KIAA1671: variants seen among roughly 807,000 people sequenced by gnomAD.
The protein encoded by KIAA1671 is uncharacterized protein KIAA1671.
In KIAA1671, 52 loss-of-function variants were observed where a neutral mutation model predicts 131.2. The ratio of observed to expected loss-of-function variants is 0.40; its 90% CI spans 0.32 to 0.50. The LOEUF (loss-of-function observed/expected upper bound fraction) is 0.50. Among genes scored for constraint, KIAA1671 ranks in the 20% least tolerant of loss-of-function variants. The pLI, the probability that KIAA1671 is intolerant of heterozygous loss-of-function variation, is 0.73. For synonymous variants in KIAA1671, 1,003 were observed against 961.6 expected (o/e 1.04, Z -0.80); for missense variants, 2,360 against 2,364.2 (o/e 1.00, Z 0.04).
At chr22:24,991,964 C>G (rs1370498019) in intron 1 of KIAA1671, among the ~76,000 whole-genome samples, 1 of 151,978 alleles carries the variant, frequency 6.6e-6, no homozygotes, top group African/African-American at 2.4e-5. Flanking sequence ...TTTGCTCTGT[C>G]CCCTCCGGTC....
chr22:25,159,576 A>G (rs1307532725), intron 6 of KIAA1671, among the ~76,000 whole-genome samples: 1 of 152,138 alleles, frequency 6.6e-6, no homozygotes, highest in Non-Finnish European at 1.5e-5. Flanking sequence ...CACCAACATC[A>G]TCATGTGGAC....
intron 6 of KIAA1671, among the ~76,000 whole-genome samples, chr22:25,074,512 A>G (rs1384980625): frequency 2.7e-5 from 4 of 147,954 alleles, no homozygotes; most frequent in African/African-American, 7.6e-5. Flanking sequence ...AAAAAAAAAA[A>G]AAAAAGAAAG....
chr22:25,150,470 G>A (rs940935833), intron 6 of KIAA1671, among the ~76,000 whole-genome samples: 1 of 152,146 alleles, frequency 6.6e-6, no homozygotes, highest in Non-Finnish European at 1.5e-5. Context: ...GCAGTGGGTG[G>A]CAGTCCAGGG....
rs1044841380 is a variant in KIAA1671 at position 25,192,429 on chromosome 22, G to A, written c.*28G>A. On this transcript the variant is annotated 3_prime_UTR_variant, in exon 13 of 13. Transcript: ENST00000358431. ...AGGCAGGGAACACTGCCACATCTAC[G>A]TAACAGAAGCCTTAACCATCAGAAC... is the stretch of plus-strand genomic sequence containing the variant. 1 of 152,354 alleles carries A rather than the reference G, an allele frequency of 6.6e-6. No homozygotes were observed. The highest frequency in any genetic ancestry group is 2.4e-5 in the African/African-American group (1 of 41,562). 9.4% of individuals were successfully genotyped at this position (152,354 alleles called of 1,614,324 possible).
rs1926748549 is a variant in KIAA1671, at chr22:25,038,771, G to A, written c.1641G>A (p.Gly547=). The change falls in exon 5 of 13, where the codon GGG becomes GGA. Residue 547 remains glycine (G), a synonymous_variant. Coordinates refer to ENST00000358431, the MANE Select transcript of KIAA1671 (RefSeq NM_001145206.2). ...TTGTTTCTTTCCAGCAAAAGGAGGG[G>A]CACAGTTTGGATGGAGCATGCATCC... ...PKEPREKQKE[G]HSLDGACIPR... 2.0e-6 allele frequency: 3 copies of A among 1,534,194 alleles called. No individual in the cohort carries two copies. The highest frequency in any genetic ancestry group is 1.2e-5 in the South Asian group (1 of 83,664).
intron 1 of KIAA1671, chr22:25,024,634 C>T (rs1925838748): frequency 6.6e-6 from 1 of 152,166 alleles, no homozygotes; most frequent in Admixed American, 6.5e-5. Context: ...GGTATCTGGA[C>T]TTATTTAGCA....
intron 6 of KIAA1671, chr22:25,060,318 G>C (rs941342054): frequency 6.6e-6 from 1 of 152,240 alleles, no homozygotes; most frequent in Non-Finnish European, 1.5e-5. Context: ...GAGTAGCTGG[G>C]ATTACAGGCG....
In KIAA1671 at chr22:25,123,265, C is replaced by T. The variant is rs565551409; in HGVS notation, c.4531-47555C>T. Among the ~76,000 whole-genome samples, 9 of 139,260 alleles carry T rather than the reference C, an allele frequency of 6.5e-5. No individual in the cohort carries two copies. The East Asian group carries it at 6.7e-4, about 10-fold the overall frequency. 91.4% of individuals were successfully genotyped at this position (139,260 alleles called of 152,430 possible). A position where few individuals can be genotyped will look rare whatever the true frequency, so the allele number is the denominator to read the frequency against. ...AGGCTGGAGTGCAATGACGCAATCT[C>T]GGCTCACTGCAACCACCCCTTCCTG... On this transcript the variant is annotated intron_variant, in intron 6 of 12. Transcript: ENST00000358431.
At chr22:25,012,412 AC>A (rs1186129521) in intron 1 of KIAA1671, 1 of 151,944 alleles carries the variant, frequency 6.6e-6, no homozygotes, top group African/African-American at 2.4e-5. Flanking sequence ...AGCTGAGACT[AC>A]AGGCATGCGT....
intron 6 of KIAA1671, among the ~76,000 whole-genome samples, chr22:25,087,603 C>CCAAA (rs1217342136): frequency 6.6e-6 from 1 of 152,112 alleles, no homozygotes; most frequent in Non-Finnish European, 1.5e-5. Context: ...AACCAACCAA[C>CCAAA]CAAACAACAA....
rs370107317 is a variant in KIAA1671, at chr22:25,044,896, C to T, written c.4395+3371C>T. Among the ~76,000 whole-genome samples, 22 of 152,292 alleles carry T rather than the reference C, an allele frequency of 1.4e-4. No homozygotes were observed. The East Asian group carries it at 3.1e-3, about 21-fold the overall frequency. ...GAAATACTGGCTGGGCACGGTGGCT[C>T]ATGCCTGTAATCCCAGCACTTTGGG... On this transcript the variant is annotated intron_variant, in intron 5 of 12. Coordinates refer to ENST00000358431, the MANE Select transcript of KIAA1671 (RefSeq NM_001145206.2).
intron 6 of KIAA1671, among the ~76,000 whole-genome samples, chr22:25,157,567 G>A (rs1024512806): frequency 1.3e-5 from 2 of 151,904 alleles, no homozygotes; most frequent in South Asian, 2.1e-4. Flanking sequence ...TTGACTCATC[G>A]TAACCTTAGA....
At chr22:25,114,011 A>G (rs1052396391) in intron 6 of KIAA1671, among the ~76,000 whole-genome samples, 4 of 152,040 alleles carry the variant, frequency 2.6e-5, no homozygotes, top group Non-Finnish European at 1.5e-5. Flanking sequence ...GACCATGGGC[A>G]TTGGCATGAA....
At chr22:25,117,461 A>T (rs1280464104) in intron 6 of KIAA1671, among the ~76,000 whole-genome samples, 1 of 152,098 alleles carries the variant, frequency 6.6e-6, no homozygotes, top group Admixed American at 6.6e-5. Context: ...ACTATTAAAC[A>T]TCGGCCCCAG....
chr22:25,117,266 G>C (rs113343712), intron 6 of KIAA1671, among the ~76,000 whole-genome samples: 1 of 152,148 alleles, frequency 6.6e-6, no homozygotes, highest in African/African-American at 2.4e-5. Flanking sequence ...CCACATCCAT[G>C]AGCCTCTCCT....
Position 25,078,136 on chromosome 22 carries a change from T to G in KIAA1671, c.4530+28772T>G, listed in dbSNP as rs529368241. 1.2e-3 allele frequency among the ~76,000 whole-genome samples: 184 copies of G among 152,354 alleles called. 3 individuals carry two copies. The South Asian group carries it at 0.02, about 16-fold the overall frequency. On this transcript the variant is annotated intron_variant, in intron 6 of 12. Transcript: ENST00000358431. ...CTGACTCCAAAGCTAATTTGATGAC[T>G]ACATGCAGTCTCTGTCAGGCAGGGA...
chr22:25,171,501 C>G lies in KIAA1671; in HGVS notation c.4649+563C>G, dbSNP rs568473928. ...CCCAGGCGGGCAGATCACTTGAGGCCTGGAGTTTGAGACCAGCCTGGCCAA... is the reference window on the plus strand; with the variant it reads ...CCCAGGCGGGCAGATCACTTGAGGCGTGGAGTTTGAGACCAGCCTGGCCAA... On this transcript the variant is annotated intron_variant, in intron 7 of 12. Transcript: ENST00000358431. Among the ~76,000 whole-genome samples the G allele has an allele frequency of 3.3e-5, 5 of 152,270 alleles. No individual in the cohort carries two copies. In the South Asian group the frequency reaches 1.0e-3, roughly 32 times the overall value.
rs1051629360 is a variant in KIAA1671, at chr22:25,049,551, T to C, written c.4530+187T>C. 9.9e-5 allele frequency: 61 copies of C among 614,102 alleles called. No individual in the cohort carries two copies. In the South Asian group the frequency reaches 1.2e-3, roughly 12 times the overall value. The allele number at this position is 614,102 out of a possible 1,614,324, so 38.0% of individuals were successfully genotyped here. A position where few individuals can be genotyped will look rare whatever the true frequency, so the allele number is the denominator to read the frequency against. ...TGTGGTTCTTGATGTGGAGGGTGTT[T>C]GGTGGCTCTGCTGGGGAAACCTTCT... On this transcript the variant is annotated intron_variant, in intron 6 of 12. Transcript: ENST00000358431.
chr22:25,114,997 C>T (rs986835106), intron 6 of KIAA1671, among the ~76,000 whole-genome samples: 8 of 152,198 alleles, frequency 5.3e-5, no homozygotes, highest in South Asian at 2.1e-4. Context: ...GAATCTATTG[C>T]GGGCACAAAA....
Sources: allele counts gnomAD v4.1 joint callset (sites outside exome capture counted in the v4.1 genomes callset), GRCh38; gene constraint gnomAD v4.1.1; transcripts MANE v1.5; gene names NCBI Gene and HGNC (gene_info 2026-07-23, HGNC 2026-07-21).